Variants in SOS2 observed in about 807,000 individuals in gnomAD.
SOS2 encodes the protein SOS Ras/Rho guanine nucleotide exchange factor 2, also known as son of sevenless homolog 2.
Under a neutral mutation model 148.2 loss-of-function variants are expected in SOS2, and 65 were observed. That is an observed-to-expected ratio of 0.44 (90% CI 0.36 to 0.54). The LOEUF (loss-of-function observed/expected upper bound fraction) is 0.54, where lower values mean the gene tolerates loss of function less well. SOS2 is among the 20% of genes least tolerant of loss of function. The pLI, the probability that SOS2 is intolerant of heterozygous loss-of-function variation, is 0.00. For synonymous variants in SOS2, 539 were observed against 537.1 expected, an observed-to-expected ratio of 1.00 and a Z score of -0.05; for missense variants, 1,341 against 1,590.2, an observed-to-expected ratio of 0.84 and a Z score of 2.67.
intron 11 of SOS2, 59 bp downstream of exon 11, chr14:50,158,506 C>T (rs985176370): frequency 1.9e-6 from 2 of 1,055,302 alleles, no homozygotes; most frequent in African/African-American, 1.6e-5. Flanking sequence ...AGGCACTTTA[C>T]AAAATACAGT....
intron 5 of SOS2, among the ~76,000 whole-genome samples, chr14:50,183,891 G>A (rs547736891): frequency 6.6e-5 from 10 of 152,150 alleles, no homozygotes; most frequent in Non-Finnish European, 1.0e-4. Context: ...TGAGAAATGC[G>A]CTGTTAGGCG....
At chr14:50,189,347 A>AAAAAAAAAAAAAAAAAAAC (rs1566472544) in intron 4 of SOS2, among the ~76,000 whole-genome samples, 1 of 148,150 alleles carries the variant, frequency 6.7e-6, no homozygotes, top group Non-Finnish European at 1.5e-5. Flanking sequence ...AAAAAAAAAA[A>AAAAAAAAAAAAAAAAAAAC]AGCAAGCCTG....
intron 5 of SOS2, among the ~76,000 whole-genome samples, chr14:50,185,462 T>A (rs377462306): frequency 1.1e-4 from 16 of 152,096 alleles, no homozygotes; most frequent in East Asian, 9.7e-4. Flanking sequence ...GAAGTCAAGG[T>A]GGGTGGATCA....
intron 1 of SOS2, among the ~76,000 whole-genome samples, chr14:50,220,266 C>A (rs1400917685): frequency 2.0e-5 from 3 of 150,060 alleles, no homozygotes; most frequent in African/African-American, 7.4e-5. Flanking sequence ...CTTAGCTGGG[C>A]GTGGTGGCGG....
intron 9 of SOS2, among the ~76,000 whole-genome samples, chr14:50,160,809 G>A (rs1389157640): frequency 6.6e-6 from 1 of 152,100 alleles, no homozygotes; most frequent in Non-Finnish European, 1.5e-5. Flanking sequence ...AGACCAGCCT[G>A]GGCAACATAG....
intron 19 of SOS2, among the ~76,000 whole-genome samples, chr14:50,133,337 C>T (rs1388903975): frequency 6.7e-6 from 1 of 149,318 alleles, no homozygotes; most frequent in East Asian, 2.0e-4. Context: ...ACCTCCGCCC[C>T]CAGGCGTGCA....
intron 5 of SOS2, among the ~76,000 whole-genome samples, chr14:50,184,694 T>C (rs1008058311): frequency 1.3e-5 from 2 of 151,758 alleles, no homozygotes; most frequent in Non-Finnish European, 2.9e-5. Flanking sequence ...CAAAACCCCA[T>C]CTCTACAAAA....
intron 7 of SOS2, among the ~76,000 whole-genome samples, chr14:50,177,171 T>C (rs1436163559): frequency 1.3e-5 from 2 of 152,016 alleles, no homozygotes; most frequent in Non-Finnish European, 2.9e-5. Context: ...AATACCAAAA[T>C]TAGCCAGGCG....
chr14:50,141,861 G>C (rs927825855), intron 16 of SOS2, among the ~76,000 whole-genome samples: 9 of 152,036 alleles, frequency 5.9e-5, no homozygotes, highest in Admixed American at 5.2e-4. Context: ...TCTCTATCAA[G>C]GACTACTATA....
intron 1 of SOS2, among the ~76,000 whole-genome samples, chr14:50,208,617 A>G (rs747760617): frequency 6.6e-6 from 1 of 152,226 alleles, no homozygotes; most frequent in Non-Finnish European, 1.5e-5. Flanking sequence ...ACCGCACTCC[A>G]GCCTGAGCGA....
At chr14:50,133,101 G>A (rs935667784) in intron 19 of SOS2, among the ~76,000 whole-genome samples, 1 of 151,990 alleles carries the variant, frequency 6.6e-6, no homozygotes, top group Non-Finnish European at 1.5e-5. Context: ...AAAATGGTTG[G>A]TATTAGCGCT....
At chr14:50,175,427 ACTTT>A (rs1885492279) in intron 7 of SOS2, among the ~76,000 whole-genome samples, 2 of 128,926 alleles carry the variant, frequency 1.6e-5, no homozygotes, top group Non-Finnish European at 3.2e-5. Flanking sequence ...TAGGAGTAAT[ACTTT>A]TTTTTTTTTT....
At position 50,118,720 on chromosome 14, in the gene SOS2, G is replaced by C. The variant is rs1406410850; in HGVS notation, c.3623C>G (p.Pro1208Arg). The C allele has an allele frequency of 2.5e-6, 4 of 1,613,700 alleles. No homozygotes were observed. Among genetic ancestry groups the C allele is most frequent in the Admixed American group, 1.7e-5 (1 of 59,976 alleles). Residue 1208 changes from proline (P) to arginine (R), a missense_variant, in exon 23 of 23, where the codon CCA becomes CGA. Pro to Arg is a moderately radical substitution (Grantham distance 103, BLOSUM62 -2). Around this residue, in one of 4 missense-constraint regions of SOS2, gnomAD observed 354 missense variants for 347.7 expected, o/e 1.02. Transcript: ENST00000216373. ...GPLHSPPPPPPRDPLPDTPPP... is the reference protein window; with the variant it reads ...GPLHSPPPPPRRDPLPDTPPP... ...AGGGGTATCAGGAAGAGGATCTCTT[G>C]GTGGTGGCGGAGGTGGACTATGCAG...
intron 21 of SOS2, among the ~76,000 whole-genome samples, chr14:50,128,016 G>C (rs1435250171): frequency 6.6e-6 from 1 of 152,086 alleles, no homozygotes; most frequent in Non-Finnish European, 1.5e-5. Context: ...GGTATAATAG[G>C]TTTCCATATA....
At position 50,158,975 on chromosome 14, in the gene SOS2, G is replaced by A. The variant is rs188647572; in HGVS notation, c.1853-329C>T. 2.0e-4 allele frequency among the ~76,000 whole-genome samples: 31 copies of A among 152,210 alleles called. No homozygotes were observed. In the East Asian group the frequency reaches 5.6e-3, roughly 28 times the overall value. On this transcript the variant is annotated intron_variant, in intron 10 of 22. Coordinates refer to ENST00000216373, the MANE Select transcript of SOS2 (RefSeq NM_006939.4). Reference sequence around the variant, plus strand: ...CGAGGTGGGCGGATCACGAGGTCAGGAGATCGAAACCATCCTGGCTAACAC... The same window carrying A: ...CGAGGTGGGCGGATCACGAGGTCAGAAGATCGAAACCATCCTGGCTAACAC...
chr14:50,201,131 T>C (rs941140457), intron 2 of SOS2, 47 bp from the exon 3 acceptor site: 4 of 1,573,860 alleles, frequency 2.5e-6, no homozygotes, highest in Middle Eastern at 3.4e-4. Context: ...AAAGTGTTCA[T>C]AAATAGGAAA....
At chr14:50,161,215 C>T (rs1031833566) in intron 9 of SOS2, among the ~76,000 whole-genome samples, 17 of 147,736 alleles carry the variant, frequency 1.2e-4, no homozygotes, top group African/African-American at 3.8e-4. Flanking sequence ...ATCATTGGAA[C>T]GCAGGAGGCT....
Position 50,130,661 on chromosome 14 carries a change from T to C in SOS2, c.3177A>G (p.Leu1059=). The part of the protein sequence containing the change: ...SGTLRGHPTP[L]EREPCKISFS... ...AGCTTATTTTACATGGTTCTCTTTC[T>C]AATGGTGTTGGGTGACCTCGTAAAG... is the stretch of plus-strand genomic sequence containing the variant. Residue 1059 remains leucine, a synonymous_variant, in exon 20 of 23, where the codon TTA becomes TTG. Coordinates refer to ENST00000216373, the MANE Select transcript of SOS2 (RefSeq NM_006939.4). 6.2e-7 allele frequency: 1 copy of C among 1,614,198 alleles called. No individual in the cohort carries two copies. The highest frequency in any genetic ancestry group is 8.5e-7 in the Non-Finnish European group (1 of 1,180,016).
Position 50,117,726 on chromosome 14 carries a change from T to C in SOS2, c.*618A>G, listed in dbSNP as rs1229374507. The C allele has an allele frequency of 6.6e-6, 1 of 152,282 alleles. No individual in the cohort carries two copies. Among genetic ancestry groups the C allele is most frequent in the African/African-American group, 2.4e-5 (1 of 41,460 alleles). The allele number at this position is 152,282 out of a possible 1,614,324, so 9.4% of individuals were successfully genotyped here. A position where few individuals can be genotyped will look rare whatever the true frequency, so the allele number is the denominator to read the frequency against. On this transcript the variant is annotated 3_prime_UTR_variant, in exon 23 of 23. Coordinates refer to ENST00000216373, the MANE Select transcript of SOS2 (RefSeq NM_006939.4). ...TTTTTCCCTCCATCATTGGGTTATG[T>C]AGTCTTTGTTTACATTTTGACAAAA...
Sources: allele counts gnomAD v4.1 joint callset (sites outside exome capture counted in the v4.1 genomes callset), GRCh38; gene constraint gnomAD v4.1.1; regional missense constraint gnomAD v4.1.1; transcripts MANE v1.5; gene names NCBI Gene and HGNC (gene_info 2026-07-23, HGNC 2026-07-21).